Variants in USP46 observed in about 807,000 individuals in gnomAD.
USP46 encodes the protein ubiquitin carboxyl-terminal hydrolase 46.
USP46 carries 12 observed loss-of-function variants against 44.4 expected under a neutral mutation model. That is an observed-to-expected ratio of 0.27 (90% confidence interval 0.17 to 0.44). The LOEUF (loss-of-function observed/expected upper bound fraction) is 0.44, where lower values mean the gene tolerates loss of function less well. Among genes scored for constraint, USP46 ranks in the 20% least tolerant of loss-of-function variants. The pLI is 1.00. For synonymous variants in USP46, 155 were observed against 161.5 expected (o/e 0.96, Z 0.31); for missense variants, 248 against 444.8 (o/e 0.56, Z 3.98).
chr4:52,617,454 C>T (rs567480359), intron 4 of USP46, among the ~76,000 whole-genome samples: 21 of 152,284 alleles, frequency 1.4e-4, no homozygotes, highest in African/African-American at 3.9e-4. Flanking sequence ...AGAAATGGAA[C>T]AAATATAATT....
In USP46 at chr4:52,623,545, T is replaced by C. The variant is rs1717462108; in HGVS notation, c.561+2473A>G. Among the ~76,000 whole-genome samples, 4 of 152,034 alleles carry C rather than the reference T, an allele frequency of 2.6e-5. No homozygotes were observed. In the South Asian group the frequency reaches 8.3e-4, roughly 32 times the overall value. On this transcript the variant is annotated intron_variant, in intron 4 of 8. Coordinates refer to ENST00000441222, the MANE Select transcript of USP46 (RefSeq NM_022832.4). Reference sequence around the variant, plus strand: ...CCTCTAAATGAATTTGGAAATGTAATACATTAGATGCCAAAAAAATGAAAA... The same window carrying C: ...CCTCTAAATGAATTTGGAAATGTAACACATTAGATGCCAAAAAAATGAAAA...
intron 1 of USP46, among the ~76,000 whole-genome samples, chr4:52,646,992 C>A (rs1307064188): frequency 6.6e-6 from 1 of 152,176 alleles, no homozygotes; most frequent in Non-Finnish European, 1.5e-5. Flanking sequence ...GGAAGTCGGT[C>A]CACAGATATA....
At chr4:52,647,155 AG>A (rs1718575598) in intron 1 of USP46, among the ~76,000 whole-genome samples, 1 of 152,238 alleles carries the variant, frequency 6.6e-6, no homozygotes, top group South Asian at 2.1e-4. Flanking sequence ...CCATAAAAAA[AG>A]AATGAGGTGG....
chr4:52,598,799 A>G (rs994724953), intron 7 of USP46, 93 bp from the exon 8 acceptor site: 48 of 1,195,860 alleles, frequency 4.0e-5, no homozygotes, highest in Middle Eastern at 1.9e-4. Flanking sequence ...ATTCTCTGGG[A>G]AAAAAAACTA....
intron 1 of USP46, among the ~76,000 whole-genome samples, chr4:52,651,433 C>G (rs1303375133): frequency 6.6e-6 from 1 of 152,068 alleles, no homozygotes; most frequent in East Asian, 1.9e-4. Context: ...ATGTGGGAAC[C>G]ATTCTTTGGT....
chr4:52,653,018 GC>G (rs1718824390), intron 1 of USP46, among the ~76,000 whole-genome samples: 1 of 152,118 alleles, frequency 6.6e-6, no homozygotes, highest in Non-Finnish European at 1.5e-5. Context: ...GTAAAGTGAA[GC>G]TTTGGCGACC....
At chr4:52,635,074 C>A (rs937846454) in intron 1 of USP46, among the ~76,000 whole-genome samples, 3 of 149,310 alleles carry the variant, frequency 2.0e-5, no homozygotes, top group Non-Finnish European at 4.5e-5. Context: ...GCTGCTTCTA[C>A]TTCTTCTTTT....
intron 8 of USP46, 54 bp from the exon 9 acceptor site, chr4:52,597,795 A>G: frequency 3.1e-6 from 4 of 1,290,322 alleles, no homozygotes; most frequent in Non-Finnish European, 4.3e-6. Context: ...TTCCTGGGGA[A>G]AGGAAATAAA....
At chr4:52,607,488 T>C (rs1716732422) in intron 5 of USP46, among the ~76,000 whole-genome samples, 1 of 152,220 alleles carries the variant, frequency 6.6e-6, no homozygotes, top group African/African-American at 2.4e-5. Context: ...CACAAAATTC[T>C]TTGTATTGCT....
intron 4 of USP46, among the ~76,000 whole-genome samples, chr4:52,621,828 G>A (rs1717385824): frequency 1.3e-5 from 2 of 152,198 alleles, no homozygotes; most frequent in Non-Finnish European, 2.9e-5. Context: ...GAGATAGTTT[G>A]TAGCAGCACT....
chr4:52,658,916 G>C (rs1393774627), intron 1 of USP46, among the ~76,000 whole-genome samples, 199 bp downstream of exon 1: 3 of 151,684 alleles, frequency 2.0e-5, no homozygotes, highest in Non-Finnish European at 4.4e-5. Context: ...GGGCTGAGAC[G>C]GGCGCCGGGG....
chr4:52,610,676 G>T, intron 4 of USP46, 59 bp from the exon 5 acceptor site: 2 of 1,511,528 alleles, frequency 1.3e-6, no homozygotes, highest in South Asian at 2.3e-5. Flanking sequence ...ATAAAACTTT[G>T]AACATGTATA....
chr4:52,623,024 G>C (rs1056156980), intron 4 of USP46, among the ~76,000 whole-genome samples: 1 of 152,186 alleles, frequency 6.6e-6, no homozygotes, highest in Non-Finnish European at 1.5e-5. Flanking sequence ...GAGTAACATG[G>C]AGGAAGGCCA....
At chr4:52,628,325 C>T in intron 2 of USP46, 162 bp from the exon 3 acceptor site, 2 of 613,324 alleles carry the variant, frequency 3.3e-6, no homozygotes, top group South Asian at 2.2e-5. Flanking sequence ...CTACTCTAAA[C>T]ACCAGTGACC....
At chr4:52,648,120 C>T (rs899811431) in intron 1 of USP46, among the ~76,000 whole-genome samples, 1 of 152,204 alleles carries the variant, frequency 6.6e-6, no homozygotes, top group African/African-American at 2.4e-5. Context: ...ACATCAAGCT[C>T]TCATACCCAA....
intron 1 of USP46, among the ~76,000 whole-genome samples, chr4:52,658,670 A>G (rs1719051211): frequency 6.6e-6 from 1 of 152,194 alleles, no homozygotes; most frequent in Non-Finnish European, 1.5e-5. Context: ...GTGAATTTTA[A>G]ACACCTCGGA....
intron 1 of USP46, among the ~76,000 whole-genome samples, chr4:52,650,207 C>T (rs1718702976): frequency 6.6e-6 from 1 of 152,128 alleles, no homozygotes; most frequent in Non-Finnish European, 1.5e-5. Context: ...CCAAACTGCC[C>T]CTAAATAAGA....
rs1277081581 is a variant in USP46, at chr4:52,595,974, TCACTTGTATAAA to T, written c.*1654_*1665del. On this transcript the variant is annotated 3_prime_UTR_variant, in exon 9 of 9. Coordinates refer to ENST00000441222, the MANE Select transcript of USP46 (RefSeq NM_022832.4). Reference sequence around the variant, plus strand: ...CTAAACAAGGCAAGGTACATTTCCATCACTTGTATAAAACAATAACATGAAGATCACCCTGTT... The same window carrying T: ...CTAAACAAGGCAAGGTACATTTCCATACAATAACATGAAGATCACCCTGTT... The T allele has an allele frequency of 6.6e-6, 1 of 152,646 alleles. No homozygotes were observed. The highest frequency in any genetic ancestry group is 6.5e-5 in the Admixed American group (1 of 15,272). The allele number at this position is 152,646 out of a possible 1,614,324, so 9.5% of individuals were successfully genotyped here.
In USP46 at chr4:52,593,093, T is replaced by C. The variant is rs1716090308; in HGVS notation, c.*4547A>G. On this transcript the variant is annotated 3_prime_UTR_variant, in exon 9 of 9. Transcript: ENST00000441222. ...GACAAATACAACGACTTAGTAAGTA[T>C]TTTTATCTTCATGTAAATATAAGGG... 2.5e-6 allele frequency: 1 copy of C among 396,610 alleles called. No individual in the cohort carries two copies. Among genetic ancestry groups the C allele is most frequent in the Non-Finnish European group, 4.4e-6 (1 of 225,406 alleles). The allele number at this position is 396,610 out of a possible 1,614,324, so 24.6% of individuals were successfully genotyped here. A position where few individuals can be genotyped will look rare whatever the true frequency, so the allele number is the denominator to read the frequency against.
Sources: allele counts gnomAD v4.1 joint callset (sites outside exome capture counted in the v4.1 genomes callset), GRCh38; gene constraint gnomAD v4.1.1; transcripts MANE v1.5; gene names NCBI Gene and HGNC (gene_info 2026-07-23, HGNC 2026-07-21).